Variants in FAT3 observed in about 807,000 individuals in gnomAD.
FAT3 encodes the protein protocadherin Fat 3.
FAT3 carries 95 observed loss-of-function variants against 310.2 expected under a neutral mutation model. That is an observed-to-expected ratio of 0.31 (90% CI 0.26 to 0.36). FAT3 has a LOEUF of 0.36. Ranked by LOEUF, FAT3 falls within the 10% of genes least tolerant of loss-of-function variation. FAT3 has a pLI of 1.00. For missense variants in FAT3, 5,408 were observed against 5,715.6 expected (o/e 0.95, Z 1.74); for synonymous variants, 2,314 against 2,192.9 (o/e 1.06, Z -1.54).
At chr11:92,530,349 A>T (rs764066533) in intron 3 of FAT3, among the ~76,000 whole-genome samples, 1 of 152,066 alleles carries the variant, frequency 6.6e-6, no homozygotes, top group Non-Finnish European at 1.5e-5. Flanking sequence ...GTTCTATATG[A>T]AACAAATGAG....
chr11:92,823,229 C>G (rs75293934), intron 13 of FAT3, among the ~76,000 whole-genome samples: 1 of 152,212 alleles, frequency 6.6e-6, no homozygotes, highest in East Asian at 1.9e-4. Flanking sequence ...GTTGCATGAT[C>G]GTTGGGTAGC....
chr11:92,687,891 A>G (rs1294670613), intron 3 of FAT3, among the ~76,000 whole-genome samples: 3 of 152,078 alleles, frequency 2.0e-5, no homozygotes, highest in African/African-American at 7.2e-5. Flanking sequence ...AGGCATGCCT[A>G]GCATGCCTCA....
intron 2 of FAT3, among the ~76,000 whole-genome samples, chr11:92,427,166 GGC>G (rs1950653620): frequency 6.6e-6 from 1 of 151,956 alleles, no homozygotes; most frequent in Non-Finnish European, 1.5e-5. Context: ...CTCATGATTT[GGC>G]TCTCTGTCTA....
intron 3 of FAT3, among the ~76,000 whole-genome samples, chr11:92,592,322 T>TC (rs1939474536): frequency 6.9e-6 from 1 of 144,678 alleles, no homozygotes. Flanking sequence ...AATTGTCTTT[T>TC]TTTTTTTTTT....
intron 2 of FAT3, among the ~76,000 whole-genome samples, chr11:92,486,960 G>A (rs1728784445): frequency 6.6e-6 from 1 of 152,114 alleles, no homozygotes; most frequent in African/African-American, 2.4e-5. Flanking sequence ...AACCCTGATT[G>A]GATAAGGGAG....
chr11:92,626,005 G>GA (rs1332298468), intron 3 of FAT3, among the ~76,000 whole-genome samples: 1 of 152,138 alleles, frequency 6.6e-6, no homozygotes, highest in Non-Finnish European at 1.5e-5. Context: ...CTTGTTTTCA[G>GA]AAAAATGCAA....
intron 21 of FAT3, among the ~76,000 whole-genome samples, chr11:92,864,063 A>G (rs1949179277): frequency 6.6e-6 from 1 of 152,228 alleles, no homozygotes; most frequent in African/African-American, 2.4e-5. Flanking sequence ...ATAAAAAGCA[A>G]GCTTAACCGT....
At chr11:92,841,025 C>A (rs1948534949) in intron 18 of FAT3, among the ~76,000 whole-genome samples, 1 of 152,186 alleles carries the variant, frequency 6.6e-6, no homozygotes, top group Non-Finnish European at 1.5e-5. Context: ...GGGCTTAAAT[C>A]TGCATTCTAA....
chr11:92,718,419 G>A (rs920136473), intron 4 of FAT3, among the ~76,000 whole-genome samples: 2 of 152,186 alleles, frequency 1.3e-5, no homozygotes, highest in Admixed American at 6.6e-5. Context: ...TGGGGTCCAC[G>A]TGGTTTGACC....
chr11:92,506,261 T>C (rs1953096925), intron 2 of FAT3, among the ~76,000 whole-genome samples: 1 of 152,180 alleles, frequency 6.6e-6, no homozygotes, highest in African/African-American at 2.4e-5. Context: ...ACTCTAGATA[T>C]GTGAAGAGAA....
intron 2 of FAT3, among the ~76,000 whole-genome samples, chr11:92,437,740 C>T (rs949391677): frequency 1.3e-5 from 2 of 151,990 alleles, no homozygotes; most frequent in African/African-American, 4.8e-5. Context: ...TTGGCTTTTC[C>T]GTGTAGTGCA....
intron 4 of FAT3, among the ~76,000 whole-genome samples, chr11:92,728,512 G>C (rs1945067985): frequency 6.6e-6 from 1 of 152,052 alleles, no homozygotes; most frequent in Non-Finnish European, 1.5e-5. Flanking sequence ...GTTTTGGTGG[G>C]GTTTTTTGTT....
chr11:92,676,741 G>A (rs1355549465), intron 3 of FAT3, among the ~76,000 whole-genome samples: 1 of 152,164 alleles, frequency 6.6e-6, no homozygotes, highest in Non-Finnish European at 1.5e-5. Context: ...CTTATTCATA[G>A]CTATATATTT....
chr11:92,347,810 T>A (rs1165519767), intron 1 of FAT3, among the ~76,000 whole-genome samples: 1 of 152,190 alleles, frequency 6.6e-6, no homozygotes, highest in East Asian at 1.9e-4. Flanking sequence ...TGTTAGTAAG[T>A]CGTAGAAAAT....
intron 3 of FAT3, among the ~76,000 whole-genome samples, chr11:92,658,817 C>T (rs953778749): frequency 1.3e-5 from 2 of 152,134 alleles, no homozygotes; most frequent in Non-Finnish European, 2.9e-5. Context: ...CAGCATGCCC[C>T]ATCAGCTCAG....
At chr11:92,329,196 A>T (rs1947842717) in intron 1 of FAT3, among the ~76,000 whole-genome samples, 1 of 151,178 alleles carries the variant, frequency 6.6e-6, no homozygotes, top group African/African-American at 2.4e-5. Flanking sequence ...TCCAAACCTC[A>T]TGTTGAAATT....
At chr11:92,857,746 G>A (rs1949019307) in intron 20 of FAT3, among the ~76,000 whole-genome samples, 2 of 152,178 alleles carry the variant, frequency 1.3e-5, no homozygotes, top group Non-Finnish European at 2.9e-5. Context: ...ATCCACAGAA[G>A]GCATAGCTAA....
chr11:92,809,869 G>C lies in FAT3; in HGVS notation c.9274G>C (p.Asp3092His). Residue 3092 changes from aspartate (D) to histidine (H), a missense_variant, in exon 13 of 28, where the codon GAC becomes CAC. This residue lies in a region of FAT3 where 4,588 missense variants were observed against 4,809.8 expected (regional missense o/e 0.95). Coordinates refer to ENST00000525166, the MANE Select transcript of FAT3 (RefSeq NM_001367949.2). ...SGELKTLALLDRERIPVYSLM... is the reference protein window; with the variant it reads ...SGELKTLALLHRERIPVYSLM... ...CGAGTTAAAAACCTTGGCTCTGTTG[G>C]ACCGGGAGAGGATCCCCGTGTACAG... is the stretch of plus-strand genomic sequence containing the variant. 6.2e-7 allele frequency: 1 copy of C among 1,613,834 alleles called. No individual in the cohort carries two copies. The highest frequency in any genetic ancestry group is 8.5e-7 in the Non-Finnish European group (1 of 1,179,778).
At chr11:92,475,505 G>A (rs1013555014) in intron 2 of FAT3, among the ~76,000 whole-genome samples, 9 of 151,908 alleles carry the variant, frequency 5.9e-5, no homozygotes, top group African/African-American at 2.2e-4. Context: ...AAAGCTGGCT[G>A]TGGTTTCATG....
Sources: allele counts gnomAD v4.1 joint callset (sites outside exome capture counted in the v4.1 genomes callset), GRCh38; gene constraint gnomAD v4.1.1; regional missense constraint gnomAD v4.1.1; transcripts MANE v1.5; gene names NCBI Gene and HGNC (gene_info 2026-07-23, HGNC 2026-07-21).